ARFGEF1: variants seen among roughly 807,000 people sequenced by gnomAD.
The protein encoded by ARFGEF1 is brefeldin A-inhibited guanine nucleotide-exchange protein 1.
ARFGEF1 carries 42 observed loss-of-function variants against 231.0 expected under a neutral mutation model. The observed-to-expected ratio is 0.18, with a 90% CI of 0.14 to 0.24. The LOEUF (loss-of-function observed/expected upper bound fraction) is 0.24. Among genes scored for constraint, ARFGEF1 ranks in the 10% least tolerant of loss-of-function variants. The pLI, the probability that ARFGEF1 is intolerant of heterozygous loss-of-function variation, is 1.00. For missense variants in ARFGEF1, 1,345 were observed against 2,192.0 expected (o/e 0.61, Z 7.72); for synonymous variants, 710 against 732.3 (o/e 0.97, Z 0.49).
chr8:67,264,768 C>T (rs1052849747), intron 14 of ARFGEF1, among the ~76,000 whole-genome samples: 30 of 152,232 alleles, frequency 2.0e-4, no homozygotes, highest in African/African-American at 7.0e-4. Context: ...ACTTCCACTT[C>T]GAAGCCCTCT....
intron 33 of ARFGEF1, among the ~76,000 whole-genome samples, chr8:67,215,443 T>C (rs1838892591): frequency 1.3e-5 from 2 of 152,218 alleles, no homozygotes; most frequent in African/African-American, 4.8e-5. Context: ...CTGCAAATGT[T>C]ACCTTACTTG....
At chr8:67,277,949 G>A (rs553485202) in intron 7 of ARFGEF1, among the ~76,000 whole-genome samples, 9 of 152,160 alleles carry the variant, frequency 5.9e-5, no homozygotes, top group South Asian at 2.1e-4. Context: ...CCCCCTTCCC[G>A]TTTTTAGAAT....
intron 36 of ARFGEF1, 110 bp from the exon 37 acceptor site, chr8:67,201,715 G>A: frequency 1.4e-6 from 2 of 1,448,962 alleles, no homozygotes; most frequent in Non-Finnish European, 9.4e-7. Context: ...AGCATCTGCT[G>A]CTTACAAAAC....
At chr8:67,296,839 A>G (rs1806257870) in intron 4 of ARFGEF1, among the ~76,000 whole-genome samples, 1 of 151,928 alleles carries the variant, frequency 6.6e-6, no homozygotes. Context: ...TTTTCTGTAG[A>G]GATGCAGTCT....
At chr8:67,195,994 A>ACAT (rs1837865824), downstream of ARFGEF1, 1 of 171,756 alleles carries the variant, frequency 5.8e-6, no homozygotes, top group African/African-American at 2.4e-5. Context: ...TTTAGTAGGT[A>ACAT]CATCTATTGT....
At chr8:67,192,040 T>G (rs919647915) in intron 5 of ARFGEF1, among the ~76,000 whole-genome samples, 2 of 151,964 alleles carry the variant, frequency 1.3e-5, no homozygotes, top group South Asian at 2.1e-4. Flanking sequence ...TTAGGAGATA[T>G]GTCTATTCAA....
At chr8:67,284,268 A>G (rs556498605) in intron 7 of ARFGEF1, among the ~76,000 whole-genome samples, 1 of 149,186 alleles carries the variant, frequency 6.7e-6, no homozygotes, top group East Asian at 1.9e-4. Context: ...AAAGGGAAAT[A>G]AAAAACGCCT....
intron 1 of ARFGEF1, among the ~76,000 whole-genome samples, chr8:67,309,605 T>C (rs1239081997): frequency 6.6e-6 from 1 of 152,218 alleles, no homozygotes; most frequent in Admixed American, 6.5e-5. Context: ...TTATACAAAG[T>C]GTAACCTCTA....
At position 67,203,226 on chromosome 8, in the gene ARFGEF1, C is replaced by T. The variant is rs747174516; in HGVS notation, c.4985G>A (p.Arg1662His). 3.1e-6 allele frequency: 5 copies of T among 1,613,982 alleles called. No individual in the cohort carries two copies. The highest frequency in any genetic ancestry group is 2.2e-5 in the South Asian group (2 of 91,062). Reference protein sequence around the residue: ...AQRDAVDFDVRVDTQDQGMYR... With the variant: ...AQRDAVDFDVHVDTQDQGMYR... ...CATTCCTTGGTCTTGAGTATCAACG[C>T]GAACATCAAAGTCCACCGCATCTCT... The change falls in exon 36 of 39, where the codon CGC becomes CAC. Residue 1662 changes from arginine (R) to histidine (H), a missense_variant. Physicochemically the swap from Arg to His is conservative, Grantham distance 29. Coordinates refer to ENST00000262215, the MANE Select transcript of ARFGEF1 (RefSeq NM_006421.5).
chr8:67,311,936 A>AC (rs1434309338), intron 1 of ARFGEF1, among the ~76,000 whole-genome samples: 2 of 152,012 alleles, frequency 1.3e-5, no homozygotes, highest in Non-Finnish European at 2.9e-5. Flanking sequence ...CTGTGACCTT[A>AC]CCCCCAACCC....
At chr8:67,183,595 G>C (rs1217025221) in intron 5 of ARFGEF1, among the ~76,000 whole-genome samples, 1 of 152,126 alleles carries the variant, frequency 6.6e-6, no homozygotes, top group Non-Finnish European at 1.5e-5. Flanking sequence ...AAAATACTTT[G>C]ATCTAAATGA....
At chr8:67,318,527 A>T (rs1400710526) in intron 1 of ARFGEF1, among the ~76,000 whole-genome samples, 1 of 152,218 alleles carries the variant, frequency 6.6e-6, no homozygotes, top group Non-Finnish European at 1.5e-5. Flanking sequence ...TTATTCACAG[A>T]TTACATGATT....
chr8:67,176,896 C>T (rs1451765181), intron 5 of ARFGEF1, among the ~76,000 whole-genome samples: 1 of 151,726 alleles, frequency 6.6e-6, no homozygotes, highest in Non-Finnish European at 1.5e-5. Context: ...ATAGTGAAAC[C>T]CCCGTCTCTA....
chr8:67,201,435 G>T, intron 37 of ARFGEF1, 32 bp downstream of exon 37: 1 of 1,591,102 alleles, frequency 6.3e-7, no homozygotes, highest in Non-Finnish European at 8.5e-7. Flanking sequence ...GTGGCTACCT[G>T]GTCAGAGATG....
intron 33 of ARFGEF1, among the ~76,000 whole-genome samples, chr8:67,213,609 T>TCAATTAAA (rs1174245195): frequency 5.3e-5 from 8 of 152,226 alleles, no homozygotes; most frequent in African/African-American, 1.9e-4. Context: ...AACAATTAAT[T>TCAATTAAA]CAATTAAACA....
At chr8:67,295,795 G>A (rs1806207554) in intron 5 of ARFGEF1, among the ~76,000 whole-genome samples, 1 of 152,064 alleles carries the variant, frequency 6.6e-6, no homozygotes, top group African/African-American at 2.4e-5. Flanking sequence ...GTACTATGTA[G>A]GTATGTAAGT....
Position 67,226,041 on chromosome 8 carries a change from A to G in ARFGEF1, c.4059T>C (p.Tyr1353=). The G allele has an allele frequency of 6.2e-7, 1 of 1,610,224 alleles. No homozygotes were observed. Among genetic ancestry groups the G allele is most frequent in the Non-Finnish European group, 8.5e-7 (1 of 1,178,332 alleles). Residue 1353 remains tyrosine, a synonymous_variant, in exon 28 of 39, where the codon TAT becomes TAC. Transcript: ENST00000262215. Reference sequence around the variant, plus strand: ...GCTATACCTGAGGTCTATCAGACACATATTTTGCACAATGGCGAATAAGTC... The same window carrying G: ...GCTATACCTGAGGTCTATCAGACACGTATTTTGCACAATGGCGAATAAGTC... The part of the protein sequence containing the change: ...AIRLIRHCAK[Y]VSDRPQAFKE...
chr8:67,267,010 T>C (rs367800327), intron 12 of ARFGEF1, 26 bp from the exon 13 acceptor site: 154 of 1,608,316 alleles, frequency 9.6e-5, no homozygotes, highest in Non-Finnish European at 1.3e-4. Context: ...AAAACAAAAT[T>C]TTTTTTAAAG....
At chr8:67,301,521 C>T (rs941618185) in intron 2 of ARFGEF1, 141 bp from the exon 3 acceptor site, 15 of 913,804 alleles carry the variant, frequency 1.6e-5, no homozygotes, top group South Asian at 2.2e-5. Flanking sequence ...GAGAGGAAAC[C>T]CAAGCCCAGA....
Sources: allele counts gnomAD v4.1 joint callset (sites outside exome capture counted in the v4.1 genomes callset), GRCh38; gene constraint gnomAD v4.1.1; transcripts MANE v1.5; gene names NCBI Gene and HGNC (gene_info 2026-07-23, HGNC 2026-07-21).